ZNF484: variants seen among roughly 807,000 people sequenced by gnomAD.
ZNF484 encodes the protein zinc finger protein 484, also known as KRAB box containing C2H2 type zinc finger bA526D8.4.
ZNF484 carries 11 observed loss-of-function variants against 12.9 expected under a neutral mutation model. The observed-to-expected ratio is 0.85, with a 90% CI of 0.54 to 1.41. ZNF484 has a LOEUF of 1.41. Ranked by LOEUF, ZNF484 falls within the 40% of genes most tolerant of loss-of-function variation. ZNF484 has a pLI of 0.00. For missense variants in ZNF484, 807 were observed against 1,007.7 expected (o/e 0.80, Z 2.70); for synonymous variants, 289 against 334.1 (o/e 0.86, Z 1.47).
chr9:92,874,109 A>C (rs1010545819), intron 2 of ZNF484, among the ~76,000 whole-genome samples: 4 of 152,170 alleles, frequency 2.6e-5, no homozygotes, highest in African/African-American at 9.6e-5. Context: ...ATTCACGATA[A>C]AACCTCAAGG....
intron 2 of ZNF484, among the ~76,000 whole-genome samples, chr9:92,869,910 A>C (rs1241880627): frequency 6.6e-6 from 1 of 152,248 alleles, no homozygotes; most frequent in African/African-American, 2.4e-5. Flanking sequence ...GACATTCAAA[A>C]TGAAATACTT....
chr9:92,856,386 AC>A (rs772218231), intron 2 of ZNF484, 68 bp from the exon 3 acceptor site: 1 of 1,099,262 alleles, frequency 9.1e-7, no homozygotes. Context: ...AAAAAAAAAA[AC>A]CTTTCAATGT....
In ZNF484 at chr9:92,847,741, A is replaced by C. The variant is rs766481408; in HGVS notation, c.1046T>G (p.Ile349Ser). The change falls in exon 5 of 5, where the codon ATT (isoleucine) becomes AGT (serine). Residue 349 changes from isoleucine to serine, a missense_variant. By Grantham distance (142) the Ile-to-Ser change is moderately radical (BLOSUM62 -2). Coordinates refer to ENST00000375495, the MANE Select transcript of ZNF484 (RefSeq NM_031486.4). ...QKSDLFRCQR[I>S]HSGEKPYEYS... ...CTCATAAGGTTTTTCTCCAGAATGA[A>C]TTCTCTGGCATCTGAACAGATCTGA... The C allele has an allele frequency of 1.9e-6, 3 of 1,613,832 alleles. No homozygotes were observed. The highest frequency in any genetic ancestry group is 2.5e-6 in the Non-Finnish European group (3 of 1,180,012).
intron 2 of ZNF484, chr9:92,862,222 T>C: frequency 1.2e-6 from 1 of 815,408 alleles, no homozygotes; most frequent in Non-Finnish European, 1.5e-6. Context: ...GCATAATTAC[T>C]TAGGTAATTC....
At chr9:92,874,605 C>T (rs7872893) in intron 2 of ZNF484, among the ~76,000 whole-genome samples, 1 of 152,088 alleles carries the variant, frequency 6.6e-6, no homozygotes, top group African/African-American at 2.4e-5. Flanking sequence ...AGCCACCGCG[C>T]CTGGCCTGTT....
intron 2 of ZNF484, among the ~76,000 whole-genome samples, chr9:92,863,704 T>C (rs1267884563): frequency 1.3e-5 from 2 of 152,132 alleles, no homozygotes; most frequent in Non-Finnish European, 2.9e-5. Context: ...GATTGATGAA[T>C]GGAAAAGGTT....
intron 4 of ZNF484, among the ~76,000 whole-genome samples, chr9:92,854,726 T>A (rs548281225): frequency 5.9e-5 from 9 of 151,864 alleles, no homozygotes; most frequent in African/African-American, 1.4e-4. Context: ...CAGAAAAAAA[T>A]AAATAAATAA....
intron 2 of ZNF484, among the ~76,000 whole-genome samples, chr9:92,871,552 C>T (rs988162325): frequency 3.9e-5 from 6 of 152,014 alleles, no homozygotes; most frequent in Admixed American, 6.5e-5. Flanking sequence ...TGAAACTTCC[C>T]GAAAGATATA....
chr9:92,857,204 G>A (rs1856518573), intron 2 of ZNF484, among the ~76,000 whole-genome samples: 1 of 152,190 alleles, frequency 6.6e-6, no homozygotes, highest in South Asian at 2.1e-4. Context: ...GAAAGCTGCT[G>A]AGGTAGCAAG....
chr9:92,855,401 A>C (rs1856375057), intron 4 of ZNF484, among the ~76,000 whole-genome samples: 1 of 152,200 alleles, frequency 6.6e-6, no homozygotes, highest in Non-Finnish European at 1.5e-5. Flanking sequence ...TGAAGTTGTA[A>C]TGCATAGTAA....
In ZNF484 at chr9:92,865,535, T is replaced by C. The variant is rs188813401; in HGVS notation, c.16-9217A>G. On this transcript the variant is annotated intron_variant, in intron 2 of 4. Coordinates refer to ENST00000375495, the MANE Select transcript of ZNF484 (RefSeq NM_031486.4). Reference sequence around the variant, plus strand: ...AAGTACTGGTAAAGATACAAAGTAGTAAACATATCTGCACACTACTGGTAG... The same window carrying C: ...AAGTACTGGTAAAGATACAAAGTAGCAAACATATCTGCACACTACTGGTAG... 3.9e-5 allele frequency among the ~76,000 whole-genome samples: 6 copies of C among 152,284 alleles called. No individual in the cohort carries two copies. The East Asian group carries it at 1.2e-3, about 29-fold the overall frequency.
At chr9:92,850,806 A>G (rs1275584903) in intron 4 of ZNF484, among the ~76,000 whole-genome samples, 1 of 152,154 alleles carries the variant, frequency 6.6e-6, no homozygotes, top group African/African-American at 2.4e-5. Flanking sequence ...CATGTTGGCC[A>G]GGCTGGTCTC....
At position 92,855,923 on chromosome 9, in the gene ZNF484, G is replaced by C. The variant is rs776851150; in HGVS notation, c.143-20C>G. The C allele has an allele frequency of 6.2e-7, 1 of 1,612,190 alleles. No homozygotes were observed. The highest frequency in any genetic ancestry group is 8.5e-7 in the Non-Finnish European group (1 of 1,179,008). ...GACATCCTGTTAACAGGGGATGATA[G>C]AGGACTTGATTTCAGAGGCCATACA... On this transcript the variant is annotated intron_variant, in intron 3 of 4. Transcript: ENST00000375495.
At chr9:92,874,085 A>G (rs1857629836) in intron 2 of ZNF484, among the ~76,000 whole-genome samples, 1 of 152,214 alleles carries the variant, frequency 6.6e-6, no homozygotes, top group African/African-American at 2.4e-5. Flanking sequence ...AGCATTTAAC[A>G]AAATTCAACT....
chr9:92,851,532 T>A (rs1475229932), intron 4 of ZNF484, among the ~76,000 whole-genome samples: 1 of 152,174 alleles, frequency 6.6e-6, no homozygotes, highest in African/African-American at 2.4e-5. Flanking sequence ...GCCTATTTAC[T>A]TTTGTGCCTT....
chr9:92,861,365 A>T (rs758914524), intron 2 of ZNF484, among the ~76,000 whole-genome samples: 1 of 152,258 alleles, frequency 6.6e-6, no homozygotes, highest in Non-Finnish European at 1.5e-5. Context: ...ACAAGGATTT[A>T]AAGTAGCTAA....
At position 92,874,998 on chromosome 9, in the gene ZNF484, A is replaced by T. The variant is rs1226704127; in HGVS notation, c.15+17T>A. On this transcript the variant is annotated intron_variant, in intron 2 of 4. Transcript: ENST00000375495. ...AAAGAAAGCAACAAATAAACAGATGAACAAATAAGAACTCACCAGGGACTT... is the reference window on the plus strand; with the variant it reads ...AAAGAAAGCAACAAATAAACAGATGTACAAATAAGAACTCACCAGGGACTT... 6.2e-7 allele frequency: 1 copy of T among 1,613,110 alleles called. No homozygotes were observed. The highest frequency in any genetic ancestry group is 1.7e-5 in the Admixed American group (1 of 59,848).
chr9:92,849,101 A>G (rs1855898632), intron 4 of ZNF484, among the ~76,000 whole-genome samples: 1 of 151,738 alleles, frequency 6.6e-6, no homozygotes, highest in South Asian at 2.1e-4. Context: ...ATCTCTACTA[A>G]AAATACAAAA....
chr9:92,848,795 C>T lies in ZNF484; in HGVS notation c.236-244G>A, dbSNP rs1364614618. ...TGGTGGTACATGCCTGTAATTCCAG[C>T]TACTCAAGTGGCTGAGGCAAGAGAA... On this transcript the variant is annotated intron_variant, in intron 4 of 4. Coordinates refer to ENST00000375495, the MANE Select transcript of ZNF484 (RefSeq NM_031486.4). The surrounding 1 kb of genome is among the most constrained non-coding windows in gnomAD (Gnocchi z 4.1). Among the ~76,000 whole-genome samples, 1 of 151,980 alleles carries T rather than the reference C, an allele frequency of 6.6e-6. No homozygotes were observed. The highest frequency in any genetic ancestry group is 2.4e-5 in the African/African-American group (1 of 41,356).
Sources: allele counts gnomAD v4.1 joint callset (sites outside exome capture counted in the v4.1 genomes callset), GRCh38; gene constraint gnomAD v4.1.1; non-coding constraint Gnocchi (gnomAD v3.1); transcripts MANE v1.5; gene names NCBI Gene and HGNC (gene_info 2026-07-23, HGNC 2026-07-21).